FABP3: variants seen among roughly 807,000 people sequenced by gnomAD.
FABP3 encodes fatty acid-binding protein, heart.
A neutral mutation model predicts 13.4 loss-of-function variants in FABP3; 8 were observed. The observed-to-expected ratio is 0.60, with a 90% confidence interval of 0.35 to 1.07. FABP3 has a LOEUF of 1.07. FABP3 is among the 50% of genes least tolerant of loss of function. FABP3 has a pLI of 0.02. For missense variants in FABP3, 135 were observed against 164.7 expected (o/e 0.82, Z 0.99); for synonymous variants, 64 against 60.0 (o/e 1.07, Z -0.31).
intron 1 of FABP3, among the ~76,000 whole-genome samples, chr1:31,370,274 G>T (rs1346412083): frequency 6.6e-6 from 1 of 152,190 alleles, no homozygotes; most frequent in Non-Finnish European, 1.5e-5. Flanking sequence ...GCCCAGAATT[G>T]TCTGAGTCCA....
chr1:31,361,786 A>ATTAT (rs3049344), downstream of FABP3, among the ~76,000 whole-genome samples: 26,123 of 145,708 alleles, frequency 0.18, 2,694 homozygotes, highest in East Asian at 0.33. Flanking sequence ...AGAGGGGGAG[A>ATTAT]TTATTTATTT....
chr1:31,366,064 G>A (rs1241295115), intron 3 of FABP3, 125 bp from the exon 4 acceptor site: 9 of 20,586 alleles, frequency 4.4e-4, no homozygotes, highest in Non-Finnish European at 1.1e-3. Flanking sequence ...ATGTATGTAT[G>A]TGTGTGTGTG....
In FABP3 at chr1:31,372,922, G is replaced by A. The variant is rs1363798936; in HGVS notation, c.73+20C>T. 1 of 1,611,100 alleles carries A rather than the reference G, an allele frequency of 6.2e-7. No individual in the cohort carries two copies. Among genetic ancestry groups the A allele is most frequent in the Non-Finnish European group, 8.5e-7 (1 of 1,179,290 alleles). ...CAGCCAGTCCCCAAGCCAACATCCTGAGCCCCGCGGCTTGCTCACCGAGTG... is the reference window on the plus strand; with the variant it reads ...CAGCCAGTCCCCAAGCCAACATCCTAAGCCCCGCGGCTTGCTCACCGAGTG... On this transcript the variant is annotated intron_variant, in intron 1 of 3. Transcript: ENST00000373713.
intron 2 of FABP3, among the ~76,000 whole-genome samples, chr1:31,368,157 T>G (rs1222588520): frequency 6.6e-6 from 1 of 152,168 alleles, no homozygotes; most frequent in Non-Finnish European, 1.5e-5. Flanking sequence ...TGGCAGCTCT[T>G]CCAGCTCTCT....
At chr1:31,362,335 C>T (rs1353892440), downstream of FABP3, among the ~76,000 whole-genome samples, 1 of 152,236 alleles carries the variant, frequency 6.6e-6, no homozygotes, top group Non-Finnish European at 1.5e-5. Context: ...TGGTTGGAAG[C>T]TGGCATCCTT....
chr1:31,365,990 C>A, intron 3 of FABP3, 51 bp from the exon 4 acceptor site: 1 of 1,528,138 alleles, frequency 6.5e-7, no homozygotes, highest in Non-Finnish European at 9.0e-7. Context: ...AACACCATTG[C>A]GAGCATTCTA....
chr1:31,361,919 C>T (rs1639916543), downstream of FABP3, among the ~76,000 whole-genome samples: 1 of 152,072 alleles, frequency 6.6e-6, no homozygotes, highest in Non-Finnish European at 1.5e-5. Flanking sequence ...TCAAGCGATC[C>T]TCCCACCTCA....
chr1:31,372,693 C>T (rs1331067683), intron 1 of FABP3, among the ~76,000 whole-genome samples: 1 of 152,164 alleles, frequency 6.6e-6, no homozygotes, highest in Non-Finnish European at 1.5e-5. Context: ...ATCACATATC[C>T]CTCTTCCTGG....
chr1:31,372,904 T>A, intron 1 of FABP3, 38 bp downstream of exon 1: 1 of 1,596,036 alleles, frequency 6.3e-7, no homozygotes, highest in East Asian at 2.2e-5. Flanking sequence ...CACCAGCCAG[T>A]CCCCAAGCCA....
At chr1:31,367,346 C>G in intron 3 of FABP3, 47 bp downstream of exon 3, 1 of 1,454,740 alleles carries the variant, frequency 6.9e-7, no homozygotes, top group Non-Finnish European at 9.7e-7. Context: ...GCTGAAAGAG[C>G]AGTAGTAATA....
chr1:31,363,687 T>G (rs1360940521), downstream of FABP3, among the ~76,000 whole-genome samples: 5 of 151,818 alleles, frequency 3.3e-5, no homozygotes, highest in African/African-American at 1.2e-4. Flanking sequence ...GAGGCTGAGG[T>G]GGGAGGATTG....
chr1:31,366,312 T>A (rs1640112601), intron 3 of FABP3, among the ~76,000 whole-genome samples: 1 of 151,988 alleles, frequency 6.6e-6, no homozygotes, highest in African/African-American at 2.4e-5. Flanking sequence ...ATAGGAAAAA[T>A]ATCCAGAGAC....
intron 1 of FABP3, among the ~76,000 whole-genome samples, chr1:31,372,539 A>G (rs1320305321): frequency 6.6e-6 from 1 of 152,122 alleles, no homozygotes; most frequent in Admixed American, 6.5e-5. Flanking sequence ...ACATCATTGT[A>G]CACTCCCTGG....
At chr1:31,360,686 T>A (rs150987513), downstream of FABP3, among the ~76,000 whole-genome samples, 19 of 152,322 alleles carry the variant, frequency 1.2e-4, no homozygotes, top group East Asian at 1.7e-3. Flanking sequence ...CAGTGATTTG[T>A]TTTTATCTTC....
At position 31,365,524 on chromosome 1, in the gene FABP3, T is replaced by C. The variant is rs988964164; in HGVS notation, c.*362A>G. On this transcript the variant is annotated 3_prime_UTR_variant, in exon 4 of 4. Coordinates refer to ENST00000373713, the MANE Select transcript of FABP3 (RefSeq NM_004102.5). ...TCAGCTGATTAACAGGCTCCGAGAC[T>C]GTCCATTTCAGTCTCCCATCCAGTG... 2.0e-4 allele frequency: 50 copies of C among 252,804 alleles called. No individual in the cohort carries two copies. Among genetic ancestry groups the C allele is most frequent in the Middle Eastern group, 1.5e-3 (1 of 660 alleles). The allele number at this position is 252,804 out of a possible 1,614,324, so 15.7% of individuals were successfully genotyped here.
chr1:31,367,369 T>C (rs765873454), intron 3 of FABP3, 24 bp downstream of exon 3: 6 of 1,583,258 alleles, frequency 3.8e-6, no homozygotes, highest in African/African-American at 1.3e-5. Context: ...CAATCAGATA[T>C]AGCTCCAAAG....
intron 1 of FABP3, among the ~76,000 whole-genome samples, chr1:31,370,315 TC>T (rs1403860635): frequency 5.9e-5 from 9 of 152,118 alleles, no homozygotes; most frequent in Admixed American, 5.9e-4. Flanking sequence ...CTATACTACC[TC>T]CCAAGGCTGG....
downstream of FABP3, chr1:31,363,953 G>A: frequency 6.5e-7 from 1 of 1,547,906 alleles, no homozygotes; most frequent in Non-Finnish European, 8.7e-7. Context: ...GTGAGCCACT[G>A]CACCTGGCCA....
At chr1:31,363,547 T>A (rs944032529), downstream of FABP3, among the ~76,000 whole-genome samples, 4 of 151,998 alleles carry the variant, frequency 2.6e-5, no homozygotes, top group African/African-American at 9.7e-5. Context: ...ATCACAGCAC[T>A]TCGGGAGGCC....
Sources: allele counts gnomAD v4.1 joint callset (sites outside exome capture counted in the v4.1 genomes callset), GRCh38; gene constraint gnomAD v4.1.1; transcripts MANE v1.5; gene names NCBI Gene and HGNC (gene_info 2026-07-23, HGNC 2026-07-21).